The following MICAL1 variants were observed in gnomAD, a reference collection of about 807,000 sequenced individuals.
MICAL1 encodes [F-actin]-monooxygenase MICAL1.
Under a neutral mutation model 131.8 loss-of-function variants are expected in MICAL1, and 95 were observed. The observed-to-expected ratio is 0.72, with a 90% CI of 0.61 to 0.86. The LOEUF is 0.86. Among genes scored for constraint, MICAL1 ranks in the 40% least tolerant of loss-of-function variants. The pLI is 0.00. For synonymous variants in MICAL1, 546 were observed against 554.2 expected (o/e 0.99, Z 0.21); for missense variants, 1,292 against 1,380.6 (o/e 0.94, Z 1.02).
chr6:109,457,640 G>A (rs1345920012), upstream of MICAL1, among the ~76,000 whole-genome samples: 1 of 152,088 alleles, frequency 6.6e-6, no homozygotes, highest in Non-Finnish European at 1.5e-5. Flanking sequence ...ACAACTAGCC[G>A]CTCCACTTAC....
rs1204040709 is a variant in MICAL1 at position 109,453,727 on chromosome 6, T to G, written c.377A>C (p.His126Pro). The change falls in exon 3 of 25, where the codon CAC becomes CCC. Residue 126 changes from histidine to proline, a missense_variant. Physicochemically the swap from His to Pro is moderately conservative, Grantham distance 77 (BLOSUM62 -2). Coordinates refer to ENST00000358807, the MANE Select transcript of MICAL1 (RefSeq NM_022765.4). ...RTKFSRHNVL[H>P]LWPFTIHDLR... ...GTCGTGGATGGTGAAGGGCCAGAGG[T>G]GGAGCACGTTGTGGCGAGAGAACTT... 6.2e-7 allele frequency: 1 copy of G among 1,613,666 alleles called. No homozygotes were observed. Among genetic ancestry groups the G allele is most frequent in the South Asian group, 1.1e-5 (1 of 91,078 alleles).
intron 1 of MICAL1, chr6:109,454,533 G>A: frequency 2.6e-6 from 1 of 390,436 alleles, no homozygotes; most frequent in Non-Finnish European, 4.7e-6. Flanking sequence ...GGATCTCCAA[G>A]CCCTGGGGTA....
At chr6:109,445,948 C>T in intron 19 of MICAL1, 86 bp from the exon 20 acceptor site, 1 of 1,536,466 alleles carries the variant, frequency 6.5e-7, no homozygotes, top group South Asian at 1.2e-5. Context: ...GGAGGCCCTG[C>T]AAGTCTGGTA....
chr6:109,448,785 C>A lies in MICAL1; in HGVS notation c.1611G>T (p.Trp537Cys), dbSNP rs772974250. The A allele has an allele frequency of 2.5e-6, 4 of 1,614,108 alleles. No individual in the cohort carries two copies. The highest frequency in any genetic ancestry group is 3.4e-6 in the Non-Finnish European group (4 of 1,180,014). ...GVHVSDLSSS[W>C]ADGLALCALV... The stretch of plus-strand genomic sequence containing the variant: ...GGGCACACAGAGCTAGCCCATCAGC[C>A]CAGGAGGAAGACAAATCGGAGACGT... The change falls in exon 12 of 25, where the codon TGG becomes TGT. Residue 537 changes from tryptophan to cysteine, a missense_variant. Physicochemically the swap from Trp to Cys is radical, Grantham distance 215. Transcript: ENST00000358807.
chr6:109,449,059 A>C (rs1446111439), intron 11 of MICAL1, 180 bp from the exon 12 acceptor site: 3 of 842,470 alleles, frequency 3.6e-6, no homozygotes, highest in East Asian at 2.7e-5. Context: ...TTTTAAAAAA[A>C]ATCTCTTTGG....
At chr6:109,457,253 CTCAGTTGGGCCCA>C (rs1775775703), upstream of MICAL1, among the ~76,000 whole-genome samples, 4 of 152,178 alleles carry the variant, frequency 2.6e-5, no homozygotes, top group African/African-American at 7.2e-5. Flanking sequence ...AGGGCAGCCT[CTCAGTTGGGCCCA>C]TCCTAGCTTT....
rs377004839 is a variant in MICAL1, at chr6:109,448,097, G to GACAC, written c.1855+102_1855+105dup. The GACAC allele has an allele frequency of 1.5e-4, 172 of 1,129,986 alleles. 1 individual carries two copies. Among genetic ancestry groups the GACAC allele is most frequent in the East Asian group, 1.5e-3 (56 of 37,374 alleles). The allele number at this position is 1,129,986 out of a possible 1,614,324, so 70.0% of individuals were successfully genotyped here. ...CAGAGGGCGCCTTCTTCCTCTTTCTGACACACACACACACACACACCGCCT... is the reference window on the plus strand; with the variant it reads ...CAGAGGGCGCCTTCTTCCTCTTTCTGACACACACACACACACACACACACCGCCT... On this transcript the variant is annotated intron_variant, in intron 13 of 24. Transcript: ENST00000358807.
intron 1 of MICAL1, chr6:109,463,490 G>A (rs1582664910): frequency 6.6e-6 from 1 of 152,264 alleles, no homozygotes; most frequent in East Asian, 1.9e-4. Flanking sequence ...TCAAGCATTT[G>A]CACTGTGTCC....
At position 109,448,759 on chromosome 6, in the gene MICAL1, A is replaced by G. The variant is rs775920518; in HGVS notation, c.1637T>C (p.Leu546Pro). The G allele has an allele frequency of 3.7e-6, 6 of 1,613,962 alleles. No individual in the cohort carries two copies. The highest frequency in any genetic ancestry group is 5.1e-6 in the Non-Finnish European group (6 of 1,179,990). ...CAGGCCAGGCTGCAGCCGGTACACC[A>G]GGGCACACAGAGCTAGCCCATCAGC... ...SWADGLALCA[L>P]VYRLQPGLLE... The change falls in exon 12 of 25, where the codon CTG becomes CCG. Residue 546 changes from leucine (L) to proline (P), a missense_variant. Physicochemically the swap from Leu to Pro is moderately conservative, Grantham distance 98 (BLOSUM62 -3). Transcript: ENST00000358807.
Position 109,446,777 on chromosome 6 carries a change from A to G in MICAL1, c.2228-5T>C. 2 of 1,613,028 alleles carry G rather than the reference A, an allele frequency of 1.2e-6. No homozygotes were observed. The highest frequency in any genetic ancestry group is 1.1e-5 in the South Asian group (1 of 90,784). ...GCTGGAGGCAGTAGAAATGTCCTGG[A>G]AAGGGTAGAGAGGGGAGGAGGCATT... On this transcript the variant is annotated splice_region_variant and splice_polypyrimidine_tract_variant and intron_variant, in intron 17 of 24. Coordinates refer to ENST00000358807, the MANE Select transcript of MICAL1 (RefSeq NM_022765.4).
upstream of MICAL1, among the ~76,000 whole-genome samples, chr6:109,459,371 G>A (rs935428096): frequency 6.6e-6 from 1 of 152,176 alleles, no homozygotes; most frequent in African/African-American, 2.4e-5. Context: ...CAGGAGTACA[G>A]GCAAGTGACA....
intron 1 of MICAL1, among the ~76,000 whole-genome samples, chr6:109,461,333 C>A (rs1489179813): frequency 6.6e-6 from 1 of 152,098 alleles, no homozygotes; most frequent in East Asian, 1.9e-4. Context: ...TGTATATGTG[C>A]CACATTTTCT....
intron 1 of MICAL1, 23 bp from the exon 2 acceptor site, chr6:109,454,262 G>A: frequency 6.5e-7 from 1 of 1,530,134 alleles, no homozygotes; most frequent in Non-Finnish European, 8.8e-7. Context: ...AAAAAGAAGG[G>A]GAAGAGGCTG....
intron 11 of MICAL1, 154 bp from the exon 12 acceptor site, chr6:109,449,033 C>A: frequency 2.1e-6 from 2 of 958,322 alleles, no homozygotes; most frequent in Non-Finnish European, 3.0e-6. Context: ...ATCAGCAGCT[C>A]TCCATCCCAA....
Position 109,444,668 on chromosome 6 carries a change from T to C in MICAL1, c.3055+57A>G, listed in dbSNP as rs77804703. ...GTTGCTTGGTCAGTATCTGAGATCA[T>C]GAGGCTTGCATGACACATCCCTGGG... On this transcript the variant is annotated intron_variant, in intron 24 of 24. Coordinates refer to ENST00000358807, the MANE Select transcript of MICAL1 (RefSeq NM_022765.4). 475 of 1,587,604 alleles carry C rather than the reference T, an allele frequency of 3.0e-4. 3 individuals carry two copies. The East Asian group carries it at 9.4e-3, about 31-fold the overall frequency.
At chr6:109,454,273 G>A in intron 1 of MICAL1, 34 bp from the exon 2 acceptor site, 1 of 1,508,298 alleles carries the variant, frequency 6.6e-7, no homozygotes, top group African/African-American at 1.4e-5. Flanking sequence ...GAAGAGGCTG[G>A]AGAACAGAAG....
rs141098491 is a variant in MICAL1 at position 109,453,946 on chromosome 6, C to T, written c.251G>A (p.Ser84Asn). The T allele has an allele frequency of 7.4e-6, 12 of 1,613,164 alleles. No individual in the cohort carries two copies. The highest frequency in any genetic ancestry group is 1.6e-4 in the Middle Eastern group (1 of 6,076). The change falls in exon 2 of 25, where the codon AGC (serine) becomes AAC (asparagine). Residue 84 changes from serine to asparagine, a missense_variant. Ser to Asn is a conservative substitution (Grantham distance 46). Transcript: ENST00000358807. ...PVYQQGRACT[S>N]TKCLVVGAGP... is the part of the protein sequence containing the mutation. ...CAGGCACCGTGTATCCACCTTGGTG[C>T]TGGTGCAGGCCCGGCCCTGCTGGTA...
chr6:109,450,664 G>T, intron 7 of MICAL1, 107 bp from the exon 8 acceptor site: 1 of 1,300,006 alleles, frequency 7.7e-7, no homozygotes, highest in South Asian at 1.5e-5. Flanking sequence ...CCCAGAGAAG[G>T]AAGGGGCTGC....
At chr6:109,449,086 G>T in intron 11 of MICAL1, 1 of 733,782 alleles carries the variant, frequency 1.4e-6, no homozygotes, top group Non-Finnish European at 2.2e-6. Flanking sequence ...GTAGAGGAGT[G>T]AATAAAGTGA....
Sources: gnomAD v4.1 joint callset for allele counts (sites outside exome capture counted in the v4.1 genomes callset) on GRCh38, gnomAD v4.1.1 for gene constraint, MANE v1.5 for transcripts, NCBI Gene and HGNC (gene_info 2026-07-23, HGNC 2026-07-21) for gene names.